Variants in UBOX5 observed in about 807,000 individuals in gnomAD.
UBOX5 encodes the protein U-box domain containing 5, also known as RING finger protein 37.
A neutral mutation model predicts 39.0 loss-of-function variants in UBOX5; 28 were observed. The ratio of observed to expected loss-of-function variants is 0.72; its 90% confidence interval spans 0.53 to 0.98. The LOEUF (loss-of-function observed/expected upper bound fraction) is 0.98. Among genes scored for constraint, UBOX5 ranks in the 50% least tolerant of loss-of-function variants. UBOX5 has a pLI of 0.00. For missense variants in UBOX5, 585 were observed against 674.4 expected (o/e 0.87, Z 1.47); for synonymous variants, 283 against 275.5 (o/e 1.03, Z -0.27).
intron 1 of UBOX5, among the ~76,000 whole-genome samples, chr20:3,139,623 A>G (rs1324585897): frequency 6.6e-6 from 1 of 151,650 alleles, no homozygotes; most frequent in Non-Finnish European, 1.5e-5. Context: ...AACTCCTGAC[A>G]GCCTGGTCTT....
chr20:3,152,155 A>G (rs1421430952), intron 1 of UBOX5, among the ~76,000 whole-genome samples: 2 of 150,900 alleles, frequency 1.3e-5, no homozygotes, highest in Non-Finnish European at 2.9e-5. Context: ...AGGTAACAGA[A>G]CTCTCCAGCT....
At chr20:3,147,610 T>C (rs2148619518) in intron 1 of UBOX5, 6 of 1,614,208 alleles carry the variant, frequency 3.7e-6, no homozygotes, top group Non-Finnish European at 5.1e-6. Context: ...CAATTAACTC[T>C]ACTGGAAAGT....
intron 3 of UBOX5, among the ~76,000 whole-genome samples, chr20:3,117,062 C>T (rs1375223976): frequency 6.6e-6 from 1 of 151,794 alleles, no homozygotes; most frequent in African/African-American, 2.4e-5. Flanking sequence ...CACTACTGCA[C>T]TCCAGCCTGG....
chr20:3,110,972 C>T (rs1056276678), intron 4 of UBOX5, among the ~76,000 whole-genome samples: 1 of 152,228 alleles, frequency 6.6e-6, no homozygotes, highest in African/African-American at 2.4e-5. Context: ...CTCCTGCTCC[C>T]TTCAGCCCTG....
chr20:3,110,423 A>C, intron 4 of UBOX5, 109 bp from the exon 5 acceptor site: 4 of 1,281,808 alleles, frequency 3.1e-6, no homozygotes. Flanking sequence ...ATCTGGCTTC[A>C]TCCCTCCCGA....
chr20:3,135,166 G>A (rs555723201), intron 1 of UBOX5, among the ~76,000 whole-genome samples: 1 of 152,014 alleles, frequency 6.6e-6, no homozygotes, highest in African/African-American at 2.4e-5. Context: ...AAAAAACGTT[G>A]GTCAAAAGTT....
intron 1 of UBOX5, chr20:3,146,802 C>T (rs1042359447): frequency 1.9e-5 from 31 of 1,613,896 alleles, no homozygotes; most frequent in Non-Finnish European, 2.5e-5. Context: ...AATACTTTCT[C>T]ATGAAGAAAC....
At chr20:3,152,643 C>T (rs1429725230) in intron 1 of UBOX5, among the ~76,000 whole-genome samples, 1 of 152,130 alleles carries the variant, frequency 6.6e-6, no homozygotes, top group Non-Finnish European at 1.5e-5. Flanking sequence ...CACAGTGGCT[C>T]ACACCTATAA....
intron 4 of UBOX5, among the ~76,000 whole-genome samples, chr20:3,113,656 A>G (rs1275063581): frequency 2.0e-5 from 3 of 152,080 alleles, no homozygotes; most frequent in Non-Finnish European, 4.4e-5. Flanking sequence ...GATGGACAGG[A>G]CCTGATAATG....
rs1014100504 is a variant in UBOX5, at chr20:3,108,118, C to CT, written c.*1987dup. 12 of 151,860 alleles carry CT rather than the reference C, an allele frequency of 7.9e-5. No homozygotes were observed. The highest frequency in any genetic ancestry group is 2.7e-4 in the African/African-American group (11 of 41,294). The allele number at this position is 151,860 out of a possible 1,614,324, so 9.4% of individuals were successfully genotyped here. ...TTTTGCTACATGCTGGGGCTTTTTT[C>CT]TTTTTTTGAGAGGGAGTCTCACTCC... On this transcript the variant is annotated 3_prime_UTR_variant, in exon 5 of 5. Coordinates refer to ENST00000217173, the MANE Select transcript of UBOX5 (RefSeq NM_014948.4).
Position 3,110,157 on chromosome 20 carries a change from T to C in UBOX5, c.1575A>G (p.Thr525=). 6.2e-7 allele frequency: 1 copy of C among 1,613,308 alleles called. No individual in the cohort carries two copies. Among genetic ancestry groups the C allele is most frequent in the Non-Finnish European group, 8.5e-7 (1 of 1,180,034 alleles). The change falls in exon 5 of 5, where the codon ACA becomes ACG. Residue 525 remains threonine (T), a synonymous_variant. Coordinates refer to ENST00000217173, the MANE Select transcript of UBOX5 (RefSeq NM_014948.4). ...EKQRSLPMTC[T]ACQRPVASQD... The stretch of plus-strand genomic sequence containing the variant: ...GGCTAGCAACCGGCCGCTGGCAGGC[T>C]GTGCACGTCATGGGCAGGGAGCGTT...
At chr20:3,125,926 G>A (rs1376809364) in intron 1 of UBOX5, among the ~76,000 whole-genome samples, 1 of 151,840 alleles carries the variant, frequency 6.6e-6, no homozygotes, top group East Asian at 1.9e-4. Context: ...GCCCCGTCTG[G>A]GAAGTGAGGA....
chr20:3,151,294 CAT>C (rs988577343), intron 1 of UBOX5, among the ~76,000 whole-genome samples: 17 of 152,338 alleles, frequency 1.1e-4, no homozygotes, highest in East Asian at 7.7e-4. Context: ...TAGCTCTTCA[CAT>C]GTTTTTGTAA....
At chr20:3,148,356 T>A in intron 1 of UBOX5, 12 of 1,614,112 alleles carry the variant, frequency 7.4e-6, no homozygotes, top group Non-Finnish European at 1.0e-5. Context: ...TCCATATTCA[T>A]CTCCCATACC....
In UBOX5 at chr20:3,117,550, G is replaced by A. The variant is rs140894438; in HGVS notation, c.1256-2084C>T. On this transcript the variant is annotated intron_variant, in intron 3 of 4. Transcript: ENST00000217173. The stretch of plus-strand genomic sequence containing the variant: ...ATACGAAAAATTAGCCGGGTGTGGC[G>A]GCATGTGCCTGTAGTCCCAGCTACT... 2.0e-3 allele frequency among the ~76,000 whole-genome samples: 299 copies of A among 152,200 alleles called. 3 individuals are homozygous for A. Among genetic ancestry groups the A allele is most frequent in the African/African-American group, 6.5e-3 (271 of 41,544 alleles).
intron 2 of UBOX5, 104 bp downstream of exon 2, chr20:3,123,208 A>G: frequency 1.6e-6 from 2 of 1,244,264 alleles, no homozygotes; most frequent in Non-Finnish European, 2.3e-6. Flanking sequence ...AACAAGAGCA[A>G]AAGTGCAGTA....
rs144787245 is a variant in UBOX5 at position 3,118,888 on chromosome 20, G to A, written c.1255+2496C>T. On this transcript the variant is annotated intron_variant, in intron 3 of 4. Coordinates refer to ENST00000217173, the MANE Select transcript of UBOX5 (RefSeq NM_014948.4). ...CGGGAGGCAGAGATTGAAGTGAGCC[G>A]AGATCACACCACTGCACTCTACCCT... Among the ~76,000 whole-genome samples the A allele has an allele frequency of 4.6e-4, 69 of 151,104 alleles. No individual in the cohort carries two copies. The East Asian group carries it at 0.011, about 25-fold the overall frequency.
chr20:3,142,023 T>C (rs1320614184), intron 1 of UBOX5, among the ~76,000 whole-genome samples: 3 of 150,126 alleles, frequency 2.0e-5, no homozygotes, highest in Middle Eastern at 3.4e-3. Context: ...TTTTCTTTTC[T>C]TTTCTTTTTT....
At chr20:3,133,064 G>A (rs6037488) in intron 1 of UBOX5, among the ~76,000 whole-genome samples, 2,585 of 152,214 alleles carry the variant, frequency 0.017, 62 homozygotes, top group African/African-American at 0.059. Flanking sequence ...AAATTGAAAC[G>A]AATGAGTGTG....
Sources: gnomAD v4.1 joint callset for allele counts (sites outside exome capture counted in the v4.1 genomes callset) on GRCh38, gnomAD v4.1.1 for gene constraint, MANE v1.5 for transcripts, NCBI Gene and HGNC (gene_info 2026-07-23, HGNC 2026-07-21) for gene names.